The following LOC128706666 variants were observed in gnomAD, a reference collection of about 807,000 sequenced individuals.
At chr20:10,433,937 C>G in the LOC128706666 span, among the ~76,000 whole-genome samples, 1 of 152,230 alleles carries the variant, frequency 6.6e-6, no homozygotes, top group Admixed American at 6.5e-5. Flanking sequence ...AGAGGTCGGT[C>G]TTTCGCCTCC....
chr20:10,420,029 T>G, the LOC128706666 span, among the ~76,000 whole-genome samples: 4 of 152,190 alleles, frequency 2.6e-5, no homozygotes, highest in East Asian at 7.7e-4. Flanking sequence ...GAGAACTTTT[T>G]GAATTTTGGA....
At chr20:10,414,650 T>G in the LOC128706666 span, among the ~76,000 whole-genome samples, 2 of 152,330 alleles carry the variant, frequency 1.3e-5, no homozygotes, top group East Asian at 3.9e-4. Flanking sequence ...TAATTGTGGT[T>G]TGCTTGGAAA....
At chr20:10,423,550 G>A in the LOC128706666 span, among the ~76,000 whole-genome samples, 6 of 152,188 alleles carry the variant, frequency 3.9e-5, no homozygotes, top group Admixed American at 1.3e-4. Flanking sequence ...AATGTTTGGG[G>A]AAGTGTTGTA....
At chr20:10,421,518 A>T in the LOC128706666 span, among the ~76,000 whole-genome samples, 1 of 152,158 alleles carries the variant, frequency 6.6e-6, no homozygotes, top group African/African-American at 2.4e-5. Context: ...ATATTCTGAC[A>T]GGATGTAGTG....
the LOC128706666 span, among the ~76,000 whole-genome samples, chr20:10,428,913 C>T: frequency 1.3e-5 from 2 of 152,144 alleles, no homozygotes; most frequent in Non-Finnish European, 2.9e-5. Flanking sequence ...TACCTGTGTT[C>T]CAGTCCCACT....
At chr20:10,424,585 A>G in the LOC128706666 span, among the ~76,000 whole-genome samples, 1 of 152,134 alleles carries the variant, frequency 6.6e-6, no homozygotes, top group Non-Finnish European at 1.5e-5. Context: ...AGTTTTACAA[A>G]AAAAAAAATA....
chr20:10,417,427 A>G, the LOC128706666 span, among the ~76,000 whole-genome samples: 3 of 152,230 alleles, frequency 2.0e-5, no homozygotes, highest in African/African-American at 7.2e-5. Flanking sequence ...CCTGGGCAAC[A>G]CAGCAAGACC....
chr20:10,427,087 G>A, the LOC128706666 span, among the ~76,000 whole-genome samples: 3 of 106,374 alleles, frequency 2.8e-5, no homozygotes, highest in Admixed American at 2.7e-4. Flanking sequence ...CACAAAGTAA[G>A]GTTAAGGGCA....
At chr20:10,417,319 T>C in the LOC128706666 span, among the ~76,000 whole-genome samples, 1 of 151,952 alleles carries the variant, frequency 6.6e-6, no homozygotes, top group Non-Finnish European at 1.5e-5. Context: ...CTGTTAATCT[T>C]AGCAACACTG....
At chr20:10,434,158 G>A in the LOC128706666 span, 3 of 151,552 alleles carry the variant, frequency 2.0e-5, no homozygotes, top group African/African-American at 7.3e-5. Context: ...AGAGGCCCCA[G>A]AAACAGATCT....
the LOC128706666 span, among the ~76,000 whole-genome samples, chr20:10,429,901 G>C: frequency 6.6e-6 from 1 of 152,180 alleles, no homozygotes; most frequent in South Asian, 2.1e-4. Flanking sequence ...AGAAACTCTA[G>C]GGTGGGGTCC....
chr20:10,427,649 T>C, the LOC128706666 span, among the ~76,000 whole-genome samples: 978 of 152,370 alleles, frequency 6.4e-3, 9 homozygotes, highest in African/African-American at 0.022. Context: ...TAGAAAAGAC[T>C]GCACGTGGTC....
At chr20:10,430,032 AAAAAAC>A in the LOC128706666 span, among the ~76,000 whole-genome samples, 2 of 113,102 alleles carry the variant, frequency 1.8e-5, no homozygotes, top group Non-Finnish European at 4.3e-5. Flanking sequence ...CTTGCAAAAC[AAAAAAC>A]AAAAAAACAA....
the LOC128706666 span, among the ~76,000 whole-genome samples, chr20:10,416,506 T>C: frequency 0.34 from 51,351 of 151,492 alleles, 10,278 homozygotes; most frequent in Non-Finnish European, 0.45. Context: ...CAGCAACAGA[T>C]TAATATAACT....
At chr20:10,433,489 C>T in the LOC128706666 span, among the ~76,000 whole-genome samples, 11 of 152,164 alleles carry the variant, frequency 7.2e-5, no homozygotes, top group Non-Finnish European at 1.3e-4. Flanking sequence ...TATGGATAAA[C>T]TGAAGATGTT....
chr20:10,429,149 C>T, the LOC128706666 span, among the ~76,000 whole-genome samples: 1 of 152,266 alleles, frequency 6.6e-6, no homozygotes, highest in East Asian at 1.9e-4. Flanking sequence ...CTTCCCATTC[C>T]ATCTTCAAAC....
chr20:10,432,827 T>G, the LOC128706666 span, among the ~76,000 whole-genome samples: 1 of 149,698 alleles, frequency 6.7e-6, no homozygotes, highest in African/African-American at 2.4e-5. Flanking sequence ...CGTGTAGTTT[T>G]GTACACAACT....
chr20:10,415,637 TA>T, the LOC128706666 span, among the ~76,000 whole-genome samples: 1 of 152,252 alleles, frequency 6.6e-6, no homozygotes, highest in African/African-American at 2.4e-5. Context: ...GAAATACATT[TA>T]AATGAAACCT....
chr20:10,432,475 A>T, the LOC128706666 span, among the ~76,000 whole-genome samples: 2 of 152,168 alleles, frequency 1.3e-5, no homozygotes, highest in Non-Finnish European at 2.9e-5. Context: ...ACCCAAATCC[A>T]GATGCTCAGG....
Sources: gnomAD v4.1 joint callset for allele counts (sites outside exome capture counted in the v4.1 genomes callset) on GRCh38, gnomAD v4.1.1 for gene constraint, MANE v1.5 for transcripts.